The following MAML1 variants were observed in gnomAD, a reference collection of about 807,000 sequenced individuals.
MAML1 encodes the protein mastermind like transcriptional coactivator 1.
Under a neutral mutation model 77.1 loss-of-function variants are expected in MAML1, and 14 were observed. The observed-to-expected ratio is 0.18, with a 90% CI of 0.12 to 0.28. The LOEUF is 0.28. Among genes scored for constraint, MAML1 ranks in the 10% least tolerant of loss-of-function variants. The probability of loss-of-function intolerance (pLI) is 1.00; values close to 1 mark genes in which losing one functional copy is unlikely to be tolerated. For missense variants in MAML1, 1,217 were observed against 1,327.8 expected (o/e 0.92, Z 1.30); for synonymous variants, 516 against 551.9 (o/e 0.93, Z 0.91).
In MAML1 at chr5:179,772,394, G is replaced by A. The variant is rs557152581; in HGVS notation, c.2068+1151G>A. Among the ~76,000 whole-genome samples, 16 of 152,306 alleles carry A rather than the reference G, an allele frequency of 1.1e-4. No homozygotes were observed. In the South Asian group the frequency reaches 3.3e-3, roughly 32 times the overall value. On this transcript the variant is annotated intron_variant, in intron 4 of 4. Transcript: ENST00000292599. ...GGCCTCCCAAAGTGCTAGGATTACA[G>A]GTGTGAGCTACCGTGCCCGGCCCCA...
At chr5:179,745,884 A>T (rs1405413779) in intron 1 of MAML1, among the ~76,000 whole-genome samples, 1 of 138,770 alleles carries the variant, frequency 7.2e-6, no homozygotes, top group East Asian at 2.1e-4. Context: ...AAAAAAAAAA[A>T]TTAGCCGGGC....
rs759950706 is a variant in MAML1 at position 179,775,299 on chromosome 5, A to T, written c.*422A>T. ...TTCTGTTGAAACTTTAGATAGCAGA[A>T]TTATTTGCAATTTGTAGCATAGAAA... is the stretch of plus-strand genomic sequence containing the variant. On this transcript the variant is annotated 3_prime_UTR_variant, in exon 5 of 5. Coordinates refer to ENST00000292599, the MANE Select transcript of MAML1 (RefSeq NM_014757.5). 9.1e-6 allele frequency: 9 copies of T among 991,828 alleles called. No individual in the cohort carries two copies. Among genetic ancestry groups the T allele is most frequent in the Non-Finnish European group, 1.1e-5 (9 of 834,500 alleles). The allele number at this position is 991,828 out of a possible 1,614,324, so 61.4% of individuals were successfully genotyped here.
chr5:179,739,705 A>G (rs1341607913), intron 1 of MAML1, among the ~76,000 whole-genome samples: 1 of 152,244 alleles, frequency 6.6e-6, no homozygotes, highest in Admixed American at 6.5e-5. Context: ...AAAAATAAAA[A>G]TATGACAACA....
intron 1 of MAML1, among the ~76,000 whole-genome samples, chr5:179,760,614 G>A (rs1341199149): frequency 6.6e-6 from 1 of 152,150 alleles, no homozygotes; most frequent in Non-Finnish European, 1.5e-5. Flanking sequence ...TCAGTCATGG[G>A]AATTTGAAGG....
At chr5:179,756,532 G>C (rs537494487) in intron 1 of MAML1, among the ~76,000 whole-genome samples, 14 of 152,156 alleles carry the variant, frequency 9.2e-5, no homozygotes, top group African/African-American at 3.4e-4. Context: ...GGAATGGCAG[G>C]GAATTCAACA....
Position 179,765,781 on chromosome 5 carries a change from G to T in MAML1, c.771G>T (p.Glu257Asp), listed in dbSNP as rs1779804954. The stretch of plus-strand genomic sequence containing the variant: ...AGGAGTGGAAGGAGCTCATCGAGGA[G>T]CTGAACAGGTCGGTGCCCGATGAAG... The part of the protein sequence containing the change: ...NEQEWKELIE[E>D]LNRSVPDEDM... Residue 257 changes from glutamate (E) to aspartate (D), a missense_variant, in exon 2 of 5, where the codon GAG becomes GAT. Glu to Asp is a conservative substitution (Grantham distance 45). Coordinates refer to ENST00000292599, the MANE Select transcript of MAML1 (RefSeq NM_014757.5). 1 of 1,614,208 alleles carries T rather than the reference G, an allele frequency of 6.2e-7. No individual in the cohort carries two copies. Among genetic ancestry groups the T allele is most frequent in the Non-Finnish European group, 8.5e-7 (1 of 1,180,038 alleles).
intron 1 of MAML1, among the ~76,000 whole-genome samples, chr5:179,759,125 G>A (rs181845807): frequency 2.0e-5 from 3 of 152,130 alleles, no homozygotes; most frequent in Non-Finnish European, 2.9e-5. Context: ...CTATTTGTAC[G>A]GTTTGAAACT....
Position 179,768,943 on chromosome 5 carries a change from T to A in MAML1, c.1825T>A (p.Ser609Thr), listed in dbSNP as rs1581946407. 6.2e-7 allele frequency: 1 copy of A among 1,613,918 alleles called. No homozygotes were observed. Among genetic ancestry groups the A allele is most frequent in the South Asian group, 1.1e-5 (1 of 91,070 alleles). Residue 609 changes from serine to threonine, a missense_variant, in exon 3 of 5, where the codon TCC (serine) becomes ACC (threonine). By Grantham distance (58) the Ser-to-Thr change is moderately conservative (BLOSUM62 1). Coordinates refer to ENST00000292599, the MANE Select transcript of MAML1 (RefSeq NM_014757.5). ...GTCCGTGGCCAGCTCCCACAACAGC[T>A]CCCCCTATCTCAGCAGCCAGCAACA... is the stretch of plus-strand genomic sequence containing the variant. ...AVSVASSHNSSPYLSSQQQAA... is the reference protein window; with the variant it reads ...AVSVASSHNSTPYLSSQQQAA...
chr5:179,761,383 G>C (rs2113369167), intron 1 of MAML1, among the ~76,000 whole-genome samples: 1 of 151,760 alleles, frequency 6.6e-6, no homozygotes, highest in East Asian at 2.0e-4. Flanking sequence ...GTGACAGAGT[G>C]AGACCCTGTC....
rs1458455278 is a variant in MAML1, at chr5:179,776,349, C to G, written c.*1472C>G. ...CAAGGAAAATACTCATGCAACCAGC[C>G]TGAGTCGCGGTGAGGGGACGAGAGG... is the stretch of plus-strand genomic sequence containing the variant. On this transcript the variant is annotated 3_prime_UTR_variant, in exon 5 of 5. Coordinates refer to ENST00000292599, the MANE Select transcript of MAML1 (RefSeq NM_014757.5). 4.1e-6 allele frequency: 4 copies of G among 985,718 alleles called. No individual in the cohort carries two copies. Among genetic ancestry groups the G allele is most frequent in the Non-Finnish European group, 4.8e-6 (4 of 829,926 alleles). 61.1% of individuals were successfully genotyped at this position (985,718 alleles called of 1,614,324 possible).
rs1756150470 is a variant in MAML1, at chr5:179,777,084, A to T, written c.*2207A>T. 2 of 984,794 alleles carry T rather than the reference A, an allele frequency of 2.0e-6. No homozygotes were observed. The highest frequency in any genetic ancestry group is 2.4e-6 in the Non-Finnish European group (2 of 829,146). The allele number at this position is 984,794 out of a possible 1,614,324, so 61.0% of individuals were successfully genotyped here. A position where few individuals can be genotyped will look rare whatever the true frequency, so the allele number is the denominator to read the frequency against. ...AGATTTTAAAACTATGATCCTTTAT[A>T]TGTGTGTTTTGGGGGAGCTATGATA... On this transcript the variant is annotated 3_prime_UTR_variant, in exon 5 of 5. Coordinates refer to ENST00000292599, the MANE Select transcript of MAML1 (RefSeq NM_014757.5).
intron 1 of MAML1, among the ~76,000 whole-genome samples, chr5:179,749,474 T>A (rs1245578715): frequency 1.3e-5 from 2 of 152,156 alleles, no homozygotes; most frequent in Admixed American, 6.5e-5. Flanking sequence ...TTGGCCAGGC[T>A]GGTCTTGAAC....
At chr5:179,763,645 G>A (rs941487728) in intron 1 of MAML1, among the ~76,000 whole-genome samples, 2 of 152,156 alleles carry the variant, frequency 1.3e-5, no homozygotes, top group African/African-American at 4.8e-5. Context: ...GTCCTCCCTG[G>A]TGTCCAGTGG....
intron 1 of MAML1, among the ~76,000 whole-genome samples, chr5:179,736,607 T>A (rs1011114903): frequency 6.6e-6 from 1 of 152,042 alleles, no homozygotes; most frequent in Non-Finnish European, 1.5e-5. Flanking sequence ...AAGTAAATAA[T>A]GAAAGCTCAT....
In MAML1 at chr5:179,776,322, G is replaced by A. The variant is rs1756133106; in HGVS notation, c.*1445G>A. The A allele has an allele frequency of 4.1e-6, 4 of 985,878 alleles. No homozygotes were observed. The South Asian group carries it at 1.9e-4, about 46-fold the overall frequency. The allele number at this position is 985,878 out of a possible 1,614,324, so 61.1% of individuals were successfully genotyped here. On this transcript the variant is annotated 3_prime_UTR_variant, in exon 5 of 5. Coordinates refer to ENST00000292599, the MANE Select transcript of MAML1 (RefSeq NM_014757.5). ...CAGGAGTGTCCTATGTGAGAATTGA[G>A]CCAAGGAAAATACTCATGCAACCAG... is the stretch of plus-strand genomic sequence containing the variant.
At chr5:179,740,681 A>C (rs1023205095) in intron 1 of MAML1, among the ~76,000 whole-genome samples, 3 of 152,066 alleles carry the variant, frequency 2.0e-5, no homozygotes, top group Non-Finnish European at 4.4e-5. Context: ...TCTAGATGCC[A>C]GGGCTGGGGC....
At chr5:179,749,629 A>G (rs1044089170) in intron 1 of MAML1, among the ~76,000 whole-genome samples, 2 of 152,174 alleles carry the variant, frequency 1.3e-5, no homozygotes, top group African/African-American at 4.8e-5. Context: ...TGTTCCACCA[A>G]ATTGAAAGAC....
Position 179,765,980 on chromosome 5 carries a change from C to A in MAML1, c.970C>A (p.Gln324Lys). 8 of 1,612,158 alleles carry A rather than the reference C, an allele frequency of 5.0e-6. No individual in the cohort carries two copies. The highest frequency in any genetic ancestry group is 1.1e-5 in the South Asian group (1 of 90,878). ...SPQVRAGSAGQTFLGPSSAPV... is the reference protein window; with the variant it reads ...SPQVRAGSAGKTFLGPSSAPV... ...ACAAGTGAGGGCCGGGTCTGCAGGGCAGACCTTTCTGGGGCCTTCCTCTGC... is the reference window on the plus strand; with the variant it reads ...ACAAGTGAGGGCCGGGTCTGCAGGGAAGACCTTTCTGGGGCCTTCCTCTGC... Residue 324 changes from glutamine (Q) to lysine (K), a missense_variant, in exon 2 of 5, where the codon CAG becomes AAG. Gln to Lys is a moderately conservative substitution (Grantham distance 53). Transcript: ENST00000292599.
intron 1 of MAML1, among the ~76,000 whole-genome samples, chr5:179,754,131 A>T (rs1047740077): frequency 6.6e-6 from 1 of 152,046 alleles, no homozygotes; most frequent in East Asian, 1.9e-4. Flanking sequence ...AAAAATGCAA[A>T]AATTAGCTGG....
Sources: allele counts gnomAD v4.1 joint callset (sites outside exome capture counted in the v4.1 genomes callset), GRCh38; gene constraint gnomAD v4.1.1; transcripts MANE v1.5; gene names NCBI Gene and HGNC (gene_info 2026-07-23, HGNC 2026-07-21).